The following AGTPBP1 variants were observed in gnomAD, a reference collection of about 807,000 sequenced individuals.
AGTPBP1 encodes cytosolic carboxypeptidase 1.
In AGTPBP1, 70 loss-of-function variants were observed where a neutral mutation model predicts 143.9. That is an observed-to-expected ratio of 0.49 (90% CI 0.40 to 0.59). The LOEUF (loss-of-function observed/expected upper bound fraction) is 0.59. Among genes scored for constraint, AGTPBP1 ranks in the 20% least tolerant of loss-of-function variants. The pLI is 0.00. For synonymous variants in AGTPBP1, 463 were observed against 500.2 expected (o/e 0.93, Z 0.99); for missense variants, 1,229 against 1,464.5 (o/e 0.84, Z 2.62).
At chr9:85,589,792 C>A in intron 19 of AGTPBP1, 111 bp from the exon 20 acceptor site, 1 of 1,122,304 alleles carries the variant, frequency 8.9e-7, no homozygotes, top group Non-Finnish European at 1.2e-6. Context: ...GATTCTTAAC[C>A]CCTTATCCAA....
the AGTPBP1 span, among the ~76,000 whole-genome samples, chr9:85,783,594 T>C: frequency 6.6e-6 from 1 of 152,200 alleles, no homozygotes; most frequent in Non-Finnish European, 1.5e-5. Flanking sequence ...ATAATCAGTA[T>C]CCTAGTTAAT....
Position 85,547,036 on chromosome 9 carries a change from C to T in AGTPBP1, c.*73G>A. Reference sequence around the variant, plus strand: ...GTCAGCTCTGTATAAACTCATTTCTCTCAAGCTTCCTGGGAAATAAAAACC... The same window carrying T: ...GTCAGCTCTGTATAAACTCATTTCTTTCAAGCTTCCTGGGAAATAAAAACC... On this transcript the variant is annotated 3_prime_UTR_variant, in exon 26 of 26. Transcript: ENST00000357081. 1 of 1,466,410 alleles carries T rather than the reference C, an allele frequency of 6.8e-7. No homozygotes were observed. The highest frequency in any genetic ancestry group is 9.1e-7 in the Non-Finnish European group (1 of 1,104,108). 90.8% of individuals were successfully genotyped at this position (1,466,410 alleles called of 1,614,324 possible).
intron 2 of AGTPBP1, among the ~76,000 whole-genome samples, chr9:85,707,679 T>A (rs1012886709): frequency 6.6e-6 from 1 of 152,216 alleles, no homozygotes; most frequent in Admixed American, 6.5e-5. Context: ...CACAGGAAAG[T>A]ATTTGTTTCC....
At chr9:85,548,278 T>C (rs2118305172) in intron 25 of AGTPBP1, among the ~76,000 whole-genome samples, 1 of 152,310 alleles carries the variant, frequency 6.6e-6, no homozygotes, top group African/African-American at 2.4e-5. Flanking sequence ...TGAAATTCAG[T>C]CCAGATATCT....
intron 25 of AGTPBP1, among the ~76,000 whole-genome samples, chr9:85,570,220 G>A (rs888883320): frequency 3.3e-5 from 5 of 152,208 alleles, no homozygotes; most frequent in African/African-American, 1.2e-4. Flanking sequence ...GAGTGGGATG[G>A]CAGGAGACGT....
the AGTPBP1 span, among the ~76,000 whole-genome samples, chr9:85,795,373 T>G: frequency 6.6e-6 from 1 of 152,218 alleles, no homozygotes; most frequent in Non-Finnish European, 1.5e-5. Flanking sequence ...AACTTCTGTG[T>G]GCTAGGTCTT....
the AGTPBP1 span, among the ~76,000 whole-genome samples, chr9:85,751,115 C>T: frequency 1.3e-5 from 2 of 152,156 alleles, no homozygotes; most frequent in African/African-American, 4.8e-5. Context: ...CCCGTCTCTC[C>T]CCATTGATAC....
chr9:85,617,831 C>T (rs1358094211), intron 17 of AGTPBP1, among the ~76,000 whole-genome samples: 1 of 152,074 alleles, frequency 6.6e-6, no homozygotes, highest in East Asian at 1.9e-4. Flanking sequence ...CACAAACAAC[C>T]CTGCACATAC....
rs368927830 is a variant in AGTPBP1, at chr9:85,643,298, T to C, written c.1186-355A>G. ...GCTAACATTAAGCACTGAAAATAAATGAAACACTATGCTAAGCATTTTACA... is the reference window on the plus strand; with the variant it reads ...GCTAACATTAAGCACTGAAAATAAACGAAACACTATGCTAAGCATTTTACA... On this transcript the variant is annotated intron_variant, in intron 12 of 25. Coordinates refer to ENST00000357081, the MANE Select transcript of AGTPBP1 (RefSeq NM_001330701.2). Among the ~76,000 whole-genome samples the C allele has an allele frequency of 2.0e-5, 3 of 152,142 alleles. No individual in the cohort carries two copies. The East Asian group carries it at 5.8e-4, about 29-fold the overall frequency.
chr9:85,631,642 A>AC lies in AGTPBP1; in HGVS notation c.2015+1019_2015+1020insG, dbSNP rs1831683600. ...TTGCCAAGTAAAAATAATGAATTAT[A>AC]TAAGATGCTATAGGTAAAAAAAAAT... On this transcript the variant is annotated intron_variant, in intron 14 of 25. Transcript: ENST00000357081. 2.0e-5 allele frequency among the ~76,000 whole-genome samples: 3 copies of AC among 152,218 alleles called. No homozygotes were observed. In the South Asian group the frequency reaches 6.2e-4, roughly 31 times the overall value.
At chr9:85,731,065 G>T (rs1838847160) in intron 1 of AGTPBP1, among the ~76,000 whole-genome samples, 1 of 152,114 alleles carries the variant, frequency 6.6e-6, no homozygotes, top group Admixed American at 6.5e-5. Flanking sequence ...AGTAGGAGAG[G>T]AATCGTACAA....
At chr9:85,697,446 T>G (rs13291425) in intron 2 of AGTPBP1, among the ~76,000 whole-genome samples, 1 of 77,140 alleles carries the variant, frequency 1.3e-5, no homozygotes, top group Non-Finnish European at 2.4e-5. Flanking sequence ...TTGTTTTTTG[T>G]TTTTTTTTTT....
intron 25 of AGTPBP1, among the ~76,000 whole-genome samples, chr9:85,573,183 C>T (rs919893909): frequency 1.3e-5 from 2 of 151,544 alleles, no homozygotes; most frequent in South Asian, 4.2e-4. Flanking sequence ...GCTGCCATCT[C>T]GGCTCACTGC....
chr9:85,770,533 T>C, the AGTPBP1 span: 12 of 1,010,714 alleles, frequency 1.2e-5, 1 homozygote, highest in African/African-American at 1.6e-4. Context: ...TAAAGATGGG[T>C]CAAGATGCAT....
At chr9:85,551,570 C>A (rs1432543568) in intron 25 of AGTPBP1, among the ~76,000 whole-genome samples, 5 of 152,164 alleles carry the variant, frequency 3.3e-5, no homozygotes, top group Non-Finnish European at 7.4e-5. Context: ...ATTGCAGGCA[C>A]CTCAATAAAT....
At chr9:85,574,910 T>C (rs979993337) in intron 25 of AGTPBP1, among the ~76,000 whole-genome samples, 3 of 152,118 alleles carry the variant, frequency 2.0e-5, no homozygotes, top group Non-Finnish European at 2.9e-5. Context: ...GGTTTCACCA[T>C]GTTGGCCAGG....
chr9:85,581,301 G>A (rs1828243479), intron 23 of AGTPBP1, among the ~76,000 whole-genome samples: 1 of 152,176 alleles, frequency 6.6e-6, no homozygotes, highest in Non-Finnish European at 1.5e-5. Flanking sequence ...GCTCATTTCA[G>A]TCCTAGGCAC....
chr9:85,604,077 A>C (rs1167399933), intron 17 of AGTPBP1, among the ~76,000 whole-genome samples: 1 of 152,104 alleles, frequency 6.6e-6, no homozygotes, highest in Admixed American at 6.5e-5. Context: ...CCTAAAGGGC[A>C]GGACACAAGC....
At chr9:85,680,689 T>C (rs1386389150) in intron 4 of AGTPBP1, among the ~76,000 whole-genome samples, 3 of 152,212 alleles carry the variant, frequency 2.0e-5, no homozygotes, top group Non-Finnish European at 2.9e-5. Context: ...ATCTTTATGA[T>C]GCTAAGACTT....
Sources: allele counts gnomAD v4.1 joint callset (sites outside exome capture counted in the v4.1 genomes callset), GRCh38; gene constraint gnomAD v4.1.1; transcripts MANE v1.5; gene names NCBI Gene and HGNC (gene_info 2026-07-23, HGNC 2026-07-21).